Variants in RGS8 observed in about 807,000 individuals in gnomAD.
The protein encoded by RGS8 is regulator of G protein signaling 8.
Under a neutral mutation model 21.7 loss-of-function variants are expected in RGS8, and 8 were observed. That is an observed-to-expected ratio of 0.37 (90% CI 0.22 to 0.66). The LOEUF is 0.66. Ranked by LOEUF, RGS8 falls within the 30% of genes least tolerant of loss-of-function variation. RGS8 has a pLI of 0.59. For missense variants in RGS8, 157 were observed against 217.9 expected (o/e 0.72, Z 1.76); for synonymous variants, 80 against 83.6 (o/e 0.96, Z 0.24).
At chr1:182,710,336 G>C in the RGS8 span, among the ~76,000 whole-genome samples, 1 of 152,120 alleles carries the variant, frequency 6.6e-6, no homozygotes, top group Non-Finnish European at 1.5e-5. Flanking sequence ...ATCTTTATAA[G>C]GTAGCAGGGA....
At chr1:182,750,763 TATCTAGACTCTAGATACTAGACTAGA>T in the RGS8 span, among the ~76,000 whole-genome samples, 1 of 29,030 alleles carries the variant, frequency 3.4e-5, no homozygotes, top group Non-Finnish European at 9.0e-5. Flanking sequence ...GGAAGTTTAC[TATCTAGACTCTAGATACTAGACTAGA>T]TACTATCTAG....
chr1:182,668,177 T>G (rs184548221), intron 3 of RGS8, among the ~76,000 whole-genome samples: 2 of 152,348 alleles, frequency 1.3e-5, no homozygotes, highest in African/African-American at 4.8e-5. Context: ...ATATTTATTC[T>G]CTAGCCCTTG....
At chr1:182,656,905 T>C (rs944726332) in intron 5 of RGS8, among the ~76,000 whole-genome samples, 9 of 152,078 alleles carry the variant, frequency 5.9e-5, no homozygotes, top group African/African-American at 2.2e-4. Flanking sequence ...TGTATGCCTA[T>C]CCCTCTCAGC....
the RGS8 span, among the ~76,000 whole-genome samples, chr1:182,720,705 T>C: frequency 6.6e-6 from 1 of 152,084 alleles, no homozygotes; most frequent in East Asian, 1.9e-4. Flanking sequence ...TCAGCATGCC[T>C]GCCCTCTCTA....
the RGS8 span, among the ~76,000 whole-genome samples, chr1:182,692,162 C>A: frequency 6.6e-6 from 1 of 152,026 alleles, no homozygotes; most frequent in African/African-American, 2.4e-5. Flanking sequence ...CGTGCCACCA[C>A]ACCAGCTAAT....
At chr1:182,711,577 A>G in the RGS8 span, among the ~76,000 whole-genome samples, 1 of 152,250 alleles carries the variant, frequency 6.6e-6, no homozygotes, top group Non-Finnish European at 1.5e-5. Flanking sequence ...CATACCAGCA[A>G]CAAATATTGA....
At chr1:182,649,178 G>A (rs1004067789) in intron 5 of RGS8, among the ~76,000 whole-genome samples, 1 of 152,174 alleles carries the variant, frequency 6.6e-6, no homozygotes, top group Non-Finnish European at 1.5e-5. Flanking sequence ...GGGCACAGGT[G>A]TCTCTATCCC....
intron 1 of RGS8, among the ~76,000 whole-genome samples, chr1:182,681,906 C>T (rs1664547560): frequency 6.6e-6 from 1 of 152,174 alleles, no homozygotes; most frequent in Non-Finnish European, 1.5e-5. Flanking sequence ...AATTCAAAAG[C>T]CTTTGGGAAA....
At chr1:182,693,976 G>A in the RGS8 span, among the ~76,000 whole-genome samples, 1 of 152,144 alleles carries the variant, frequency 6.6e-6, no homozygotes, top group Admixed American at 6.5e-5. Flanking sequence ...TTTGAGAGTG[G>A]AAGGTGGGAG....
chr1:182,706,251 A>C, the RGS8 span, among the ~76,000 whole-genome samples: 1 of 151,858 alleles, frequency 6.6e-6, no homozygotes, highest in Admixed American at 6.6e-5. Context: ...AGCCTCCCAC[A>C]GTGCTTGGAT....
the RGS8 span, among the ~76,000 whole-genome samples, chr1:182,708,625 C>T: frequency 6.6e-6 from 1 of 152,244 alleles, no homozygotes; most frequent in Non-Finnish European, 1.5e-5. Flanking sequence ...CTCCATCTCT[C>T]CTGCCACCAG....
chr1:182,683,726 C>A (rs73065304), intron 1 of RGS8, among the ~76,000 whole-genome samples: 1 of 151,880 alleles, frequency 6.6e-6, no homozygotes, highest in Non-Finnish European at 1.5e-5. Flanking sequence ...AGGAGGCAAC[C>A]GTGCCCTCAA....
the RGS8 span, among the ~76,000 whole-genome samples, chr1:182,691,329 T>C: frequency 2.6e-5 from 4 of 152,168 alleles, no homozygotes; most frequent in African/African-American, 9.7e-5. Context: ...CCCTCCCAAC[T>C]TCATTTCTAG....
intron 5 of RGS8, among the ~76,000 whole-genome samples, chr1:182,649,850 A>G (rs1357624147): frequency 1.3e-5 from 2 of 152,124 alleles, no homozygotes; most frequent in Non-Finnish European, 1.5e-5. Context: ...AGACCCCGGC[A>G]ATAATCTTTT....
chr1:182,666,080 C>T (rs762179280), intron 4 of RGS8, 47 bp from the exon 6 acceptor site: 1 of 1,538,904 alleles, frequency 6.5e-7, no homozygotes, highest in South Asian at 1.1e-5. Flanking sequence ...AAATAACCTC[C>T]TTGCCCTCAA....
chr1:182,678,592 G>A (rs577450343), intron 1 of RGS8, among the ~76,000 whole-genome samples: 3 of 152,290 alleles, frequency 2.0e-5, no homozygotes, highest in South Asian at 2.1e-4. Context: ...GTTCCTGGAT[G>A]GAATCCAGCC....
At chr1:182,721,080 C>T in the RGS8 span, among the ~76,000 whole-genome samples, 34 of 46,788 alleles carry the variant, frequency 7.3e-4, 1 homozygote, top group African/African-American at 1.6e-3. Context: ...TACATATATA[C>T]ACATATATAT....
chr1:182,720,913 G>GTATATACATATATACATATATACATA, the RGS8 span, among the ~76,000 whole-genome samples: 1 of 95,802 alleles, frequency 1.0e-5, no homozygotes, highest in Non-Finnish European at 2.1e-5. Flanking sequence ...ATATGTGTGT[G>GTATATACATATATACATATATACATA]TATATACATA....
chr1:182,661,147 A>G (rs1204706359), intron 5 of RGS8, among the ~76,000 whole-genome samples: 1 of 151,370 alleles, frequency 6.6e-6, no homozygotes, highest in Non-Finnish European at 1.5e-5. Flanking sequence ...TTATATTTTT[A>G]TATCTCAACC....
Sources: allele counts gnomAD v4.1 joint callset (sites outside exome capture counted in the v4.1 genomes callset), GRCh38; gene constraint gnomAD v4.1.1; transcripts MANE v1.5; gene names NCBI Gene and HGNC (gene_info 2026-07-23, HGNC 2026-07-21).